The following RARB variants were observed in gnomAD, a reference collection of about 807,000 sequenced individuals.
The protein encoded by RARB is retinoic acid receptor beta, also known as HBV-activated protein.
Under a neutral mutation model 51.9 loss-of-function variants are expected in RARB, and 17 were observed. The ratio of observed to expected loss-of-function variants is 0.33; its 90% CI spans 0.22 to 0.49. The LOEUF is 0.49. RARB is among the 20% of genes least tolerant of loss of function. RARB has a pLI of 0.99. For synonymous variants in RARB, 215 were observed against 195.4 expected (o/e 1.10, Z -0.84); for missense variants, 369 against 550.8 (o/e 0.67, Z 3.30).
At chr3:24,892,558 A>C (rs1473805472) in intron 2 of RARB, among the ~76,000 whole-genome samples, 1 of 152,210 alleles carries the variant, frequency 6.6e-6, no homozygotes, top group Non-Finnish European at 1.5e-5. Context: ...TTTGTCTGTG[A>C]GCATTTTATA....
chr3:25,006,235 GTCTA>G (rs1225164905), intron 2 of RARB, among the ~76,000 whole-genome samples: 3 of 152,036 alleles, frequency 2.0e-5, no homozygotes, highest in Non-Finnish European at 4.4e-5. Flanking sequence ...GTTTGAGTTT[GTCTA>G]TCTCTCTAAA....
chr3:25,338,474 T>C (rs1025208213), intron 5 of RARB, among the ~76,000 whole-genome samples: 1 of 152,176 alleles, frequency 6.6e-6, no homozygotes, highest in Non-Finnish European at 1.5e-5. Context: ...GGAGAGTCTA[T>C]GTACTGAATT....
At position 25,533,459 on chromosome 3, in the gene RARB, T is replaced by G. The variant is rs544110911; in HGVS notation, c.448+32136T>G. The stretch of plus-strand genomic sequence containing the variant: ...GTATTATTTCACAAAAGGATAGCAT[T>G]GTTTATTATTTTGCATCTTGGGCTT... On this transcript the variant is annotated intron_variant, in intron 3 of 7. Coordinates refer to ENST00000330688, the MANE Select transcript of RARB (RefSeq NM_000965.5). Among the ~76,000 whole-genome samples, 5 of 152,328 alleles carry G rather than the reference T, an allele frequency of 3.3e-5. 1 individual carries two copies. In the South Asian group the frequency reaches 1.0e-3, roughly 32 times the overall value.
At chr3:25,390,136 C>T (rs1706909163) in intron 5 of RARB, among the ~76,000 whole-genome samples, 1 of 152,066 alleles carries the variant, frequency 6.6e-6, no homozygotes. Flanking sequence ...AGAGGTGGGA[C>T]TTTTAGGAGG....
Position 24,889,055 on chromosome 3 carries a change from C to A in RARB, c.-380+30303C>A, listed in dbSNP as rs1470317764. 3.3e-5 allele frequency among the ~76,000 whole-genome samples: 5 copies of A among 152,296 alleles called. No homozygotes were observed. In the East Asian group the frequency reaches 7.7e-4, roughly 24 times the overall value. The stretch of plus-strand genomic sequence containing the variant: ...TTTTGCAAATAGAAGATGGGACGTT[C>A]TGCTGAGGGCAGGAAGTGAGAGCAA... On this transcript the variant is annotated intron_variant, in intron 2 of 11. Coordinates refer to the RARB transcript ENST00000383772.
At chr3:25,562,277 G>C (rs1700305018) in intron 3 of RARB, among the ~76,000 whole-genome samples, 1 of 151,860 alleles carries the variant, frequency 6.6e-6, no homozygotes, top group Non-Finnish European at 1.5e-5. Flanking sequence ...AAAACAAGGT[G>C]AATTGATCAT....
At chr3:25,095,811 T>C (rs1699283161) in intron 3 of RARB, among the ~76,000 whole-genome samples, 1 of 152,204 alleles carries the variant, frequency 6.6e-6, no homozygotes, top group Non-Finnish European at 1.5e-5. Context: ...GATTTCACTT[T>C]AGTCACTTGT....
At chr3:25,460,105 C>G (rs912004125) in intron 1 of RARB, among the ~76,000 whole-genome samples, 2 of 152,096 alleles carry the variant, frequency 1.3e-5, no homozygotes, top group African/African-American at 4.8e-5. Context: ...AAAAGTGAAT[C>G]GCACCACTCT....
Position 24,909,861 on chromosome 3 carries a change from G to C in RARB, c.-380+51109G>C, listed in dbSNP as rs76218875. Among the ~76,000 whole-genome samples the C allele has an allele frequency of 2.0e-3, 307 of 152,106 alleles. 10 individuals carry two copies. The East Asian group carries it at 0.047, about 23-fold the overall frequency. Reference sequence around the variant, plus strand: ...AATTTTAATGTTTGTATGCATGTTAGCATAAATGTCTATATTTGCCAAGTA... The same window carrying C: ...AATTTTAATGTTTGTATGCATGTTACCATAAATGTCTATATTTGCCAAGTA... On this transcript the variant is annotated intron_variant, in intron 2 of 11. Transcript: ENST00000383772.
intron 5 of RARB, among the ~76,000 whole-genome samples, chr3:25,412,063 A>G (rs926115386): frequency 1.3e-5 from 2 of 152,182 alleles, no homozygotes; most frequent in Admixed American, 1.3e-4. Flanking sequence ...ATTATGAGGT[A>G]TCACAGAACT....
At chr3:25,424,879 C>T (rs566075552), upstream of RARB, among the ~76,000 whole-genome samples, 11 of 152,218 alleles carry the variant, frequency 7.2e-5, no homozygotes, top group South Asian at 4.2e-4. Context: ...AATTGCTGTA[C>T]GAAAACCAGA....
At chr3:25,506,650 A>C (rs1697616578) in intron 3 of RARB, among the ~76,000 whole-genome samples, 1 of 152,264 alleles carries the variant, frequency 6.6e-6, no homozygotes, top group Non-Finnish European at 1.5e-5. Flanking sequence ...TGTCTTCATT[A>C]CTTAACTCTG....
intron 5 of RARB, among the ~76,000 whole-genome samples, chr3:25,375,179 C>A (rs926468369): frequency 1.3e-5 from 2 of 152,196 alleles, no homozygotes; most frequent in Admixed American, 1.3e-4. Context: ...TCAGCATATT[C>A]CACCTTTCAA....
chr3:25,368,541 T>A (rs911116400), intron 5 of RARB, among the ~76,000 whole-genome samples: 15 of 152,330 alleles, frequency 9.8e-5, no homozygotes, highest in Admixed American at 9.8e-4. Flanking sequence ...AATATATCTA[T>A]GCACCAATGA....
intron 5 of RARB, among the ~76,000 whole-genome samples, chr3:25,418,709 C>A (rs1245665624): frequency 2.0e-5 from 3 of 151,948 alleles, no homozygotes; most frequent in African/African-American, 4.8e-5. Context: ...CCACTGAGGA[C>A]AAGTAGGGAT....
Position 25,120,616 on chromosome 3 carries a change from C to CT in RARB, c.-327-11544dup, listed in dbSNP as rs529063078. 7.2e-4 allele frequency among the ~76,000 whole-genome samples: 108 copies of CT among 149,894 alleles called. 2 individuals carry two copies. In the East Asian group the frequency reaches 0.021, roughly 29 times the overall value. On this transcript the variant is annotated intron_variant, in intron 3 of 11. Transcript: ENST00000383772. ...GAATGTGCAGTTCAACCACTTCATA[C>CT]TGGAGGTAAGTTATATATTGTTAAC...
In RARB at chr3:24,889,197, G is replaced by C. The variant is rs192876688; in HGVS notation, c.-380+30445G>C. Among the ~76,000 whole-genome samples, 27 of 152,196 alleles carry C rather than the reference G, an allele frequency of 1.8e-4. No homozygotes were observed. In the East Asian group the frequency reaches 4.4e-3, roughly 25 times the overall value. On this transcript the variant is annotated intron_variant, in intron 2 of 11. Coordinates refer to the RARB transcript ENST00000383772. ...CTTTGTTTTGACTTCCTTTGCTTTT[G>C]CTGCTGATGGGAGTGCTATCATCAC...
intron 2 of RARB, among the ~76,000 whole-genome samples, chr3:24,952,190 A>G (rs952872064): frequency 1.3e-5 from 2 of 152,174 alleles, no homozygotes; most frequent in Non-Finnish European, 2.9e-5. Flanking sequence ...TCTGGGTAAC[A>G]TAGTGAGACC....
chr3:25,195,016 C>G (rs1404600459), intron 5 of RARB, among the ~76,000 whole-genome samples: 1 of 151,900 alleles, frequency 6.6e-6, no homozygotes, highest in Admixed American at 6.6e-5. Flanking sequence ...TTTCTTTTAA[C>G]AGAAACAAAA....
Sources: allele counts gnomAD v4.1 joint callset (sites outside exome capture counted in the v4.1 genomes callset), GRCh38; gene constraint gnomAD v4.1.1; transcripts MANE v1.5; gene names NCBI Gene and HGNC (gene_info 2026-07-23, HGNC 2026-07-21).